SDE2: variants seen among roughly 807,000 people sequenced by gnomAD.
SDE2 encodes spliceosome associated SDE2.
SDE2 carries 31 observed loss-of-function variants against 46.9 expected under a neutral mutation model. That is an observed-to-expected ratio of 0.66 (90% CI 0.50 to 0.89). The LOEUF (loss-of-function observed/expected upper bound fraction) is 0.89, where lower values mean the gene tolerates loss of function less well. Ranked by LOEUF, SDE2 falls within the 40% of genes least tolerant of loss-of-function variation. SDE2 has a pLI of 0.00. For missense variants in SDE2, 542 were observed against 564.4 expected (o/e 0.96, Z 0.40); for synonymous variants, 205 against 204.3 (o/e 1.00, Z -0.03).
intron 1 of SDE2, among the ~76,000 whole-genome samples, chr1:225,997,490 C>CTCAA (rs2102706994): frequency 6.6e-6 from 1 of 152,252 alleles, no homozygotes; most frequent in African/African-American, 2.4e-5. Flanking sequence ...AGTGCAATGG[C>CTCAA]TCAATCTCGG....
At chr1:225,997,082 G>A (rs1446697679) in intron 1 of SDE2, among the ~76,000 whole-genome samples, 1 of 152,200 alleles carries the variant, frequency 6.6e-6, no homozygotes, top group Non-Finnish European at 1.5e-5. Context: ...GCAGACCTTC[G>A]TGGGGGTCGT....
chr1:225,986,325 ACT>A (rs1558082979), intron 6 of SDE2, among the ~76,000 whole-genome samples: 1 of 150,902 alleles, frequency 6.6e-6, no homozygotes, highest in African/African-American at 2.4e-5. Flanking sequence ...ACAGAGTGAG[ACT>A]CTGTCATTAA....
At position 225,984,558 on chromosome 1, in the gene SDE2, C is replaced by G. The variant is rs1015818111; in HGVS notation, c.*744G>C. On this transcript the variant is annotated 3_prime_UTR_variant, in exon 7 of 7. Coordinates refer to ENST00000272091, the MANE Select transcript of SDE2 (RefSeq NM_152608.4). ...AGGCACGGTGGCTCACGCCTGTAAT[C>G]CCAGCACTCTGGGAGGCTGAGGCGG... is the stretch of plus-strand genomic sequence containing the variant. 2.0e-5 allele frequency: 3 copies of G among 152,234 alleles called. No individual in the cohort carries two copies. Among genetic ancestry groups the G allele is most frequent in the Non-Finnish European group, 4.4e-5 (3 of 68,052 alleles). 9.4% of individuals were successfully genotyped at this position (152,234 alleles called of 1,614,324 possible).
At chr1:225,987,796 C>G (rs1305183906) in intron 6 of SDE2, 100 bp downstream of exon 6, 1 of 1,081,410 alleles carries the variant, frequency 9.2e-7, no homozygotes, top group African/African-American at 1.6e-5. Flanking sequence ...ATAAGCCTTT[C>G]ACTAAGCAGC....
rs1011312995 is a variant in SDE2, at chr1:225,991,232, G to A, written c.641+11C>T. On this transcript the variant is annotated intron_variant, in intron 5 of 6. Transcript: ENST00000272091. Reference sequence around the variant, plus strand: ...TCAAAGATCAATTGGGAACGAAAGTGAAACACTTACCAGAAGCATCTCCTC... The same window carrying A: ...TCAAAGATCAATTGGGAACGAAAGTAAAACACTTACCAGAAGCATCTCCTC... The A allele has an allele frequency of 6.2e-7, 1 of 1,611,620 alleles. No individual in the cohort carries two copies. Among genetic ancestry groups the A allele is most frequent in the South Asian group, 1.1e-5 (1 of 90,878 alleles).
In SDE2 at chr1:225,987,894, A is replaced by T. The variant is rs781659210; in HGVS notation, c.1134+2T>A. 6.2e-7 allele frequency: 1 copy of T among 1,609,276 alleles called. No individual in the cohort carries two copies. The highest frequency in any genetic ancestry group is 1.7e-5 in the Admixed American group (1 of 58,936). On this transcript the variant is annotated splice_donor_variant, in intron 6 of 6. Coordinates refer to ENST00000272091, the MANE Select transcript of SDE2 (RefSeq NM_152608.4). LOFTEE classifies it high-confidence loss of function. ...TAGGTATCAACCCCAAAACATACTT[A>T]CTGCGTTTCCTGGCTGGCTTTCCTG... is the stretch of plus-strand genomic sequence containing the variant.
chr1:225,996,658 T>A (rs1443335177), intron 1 of SDE2, among the ~76,000 whole-genome samples: 1 of 152,204 alleles, frequency 6.6e-6, no homozygotes. Context: ...CTGTCAAACT[T>A]ACTGATTCAC....
intron 2 of SDE2, among the ~76,000 whole-genome samples, chr1:225,993,947 T>G (rs1656462754): frequency 2.0e-5 from 3 of 151,982 alleles, no homozygotes; most frequent in Admixed American, 6.6e-5. Context: ...TTTTTTTTTT[T>G]TGTAGAGACC....
chr1:225,997,590 T>G (rs1207301038), intron 1 of SDE2, among the ~76,000 whole-genome samples: 1 of 152,024 alleles, frequency 6.6e-6, no homozygotes, highest in Admixed American at 6.6e-5. Context: ...CCGCCACGCC[T>G]GGCTAATTTT....
chr1:225,996,715 C>T (rs532365598), intron 1 of SDE2, among the ~76,000 whole-genome samples: 6 of 152,280 alleles, frequency 3.9e-5, no homozygotes, highest in South Asian at 2.1e-4. Flanking sequence ...ATCTCACCAA[C>T]CCAAAGAAAG....
intron 6 of SDE2, among the ~76,000 whole-genome samples, chr1:225,987,589 A>G (rs772662298): frequency 1.3e-5 from 2 of 152,166 alleles, no homozygotes; most frequent in Non-Finnish European, 2.9e-5. Context: ...CTAAGAATAA[A>G]CAATACCAAT....
At chr1:225,998,497 G>C (rs1656582882) in intron 1 of SDE2, among the ~76,000 whole-genome samples, 1 of 152,178 alleles carries the variant, frequency 6.6e-6, no homozygotes, top group African/African-American at 2.4e-5. Flanking sequence ...AAATTCTTTT[G>C]ACAACTGAAC....
At position 225,999,291 on chromosome 1, in the gene SDE2, C is replaced by A. The variant is rs776110951; in HGVS notation, c.22G>T (p.Val8Leu). The A allele has an allele frequency of 5.6e-6, 9 of 1,611,786 alleles. No homozygotes were observed. The highest frequency in any genetic ancestry group is 5.0e-5 in the Admixed American group (3 of 59,778). ...CCGAAGCCAGGGCCGCGAATCCACA[C>A]CAGCGCCGCGGCCTCCGCCATGTCA... MAEAAAL[V>L]WIRGPGFGCK... is the part of the protein sequence containing the mutation. The change falls in exon 1 of 7, where the codon GTG (valine) becomes TTG (leucine). Residue 8 changes from valine (V) to leucine (L), a missense_variant. This residue lies in a region of SDE2 where 135 missense variants were observed against 106.5 expected (regional missense o/e 1.27). Coordinates refer to ENST00000272091, the MANE Select transcript of SDE2 (RefSeq NM_152608.4).
intron 6 of SDE2, among the ~76,000 whole-genome samples, chr1:225,986,333 A>T (rs980345431): frequency 6.6e-6 from 1 of 150,776 alleles, no homozygotes; most frequent in East Asian, 1.9e-4. Flanking sequence ...AGACTCTGTC[A>T]TTAAAAAAAA....
At position 225,992,552 on chromosome 1, in the gene SDE2, T is replaced by C. The variant is rs766049996; in HGVS notation, c.366A>G (p.Val122=). The change falls in exon 4 of 7, where the codon GTA becomes GTG. Residue 122 remains valine, a synonymous_variant. Coordinates refer to ENST00000272091, the MANE Select transcript of SDE2 (RefSeq NM_152608.4). ...VNHEKAMAEW[V]KQQAEREAEK... ...CAGCCTCTCGCTCGGCTTGTTGTTTTACCCATTCAGCCATTCTGGGGATGA... is the reference window on the plus strand; with the variant it reads ...CAGCCTCTCGCTCGGCTTGTTGTTTCACCCATTCAGCCATTCTGGGGATGA... 10 of 1,607,760 alleles carry C rather than the reference T, an allele frequency of 6.2e-6. No homozygotes were observed. Among genetic ancestry groups the C allele is most frequent in the Admixed American group, 1.7e-5 (1 of 59,998 alleles).
intron 5 of SDE2, among the ~76,000 whole-genome samples, chr1:225,989,306 A>AT (rs1558083957): frequency 9.4e-5 from 14 of 148,726 alleles, no homozygotes; most frequent in African/African-American, 2.7e-4. Context: ...AAAAAAAAAA[A>AT]AAATAATAAT....
In SDE2 at chr1:225,982,745, C is replaced by A. The variant is rs531411392; in HGVS notation, c.*2557G>T. 58 of 152,018 alleles carry A rather than the reference C, an allele frequency of 3.8e-4. No homozygotes were observed. Among genetic ancestry groups the A allele is most frequent in the African/African-American group, 1.4e-3 (57 of 41,502 alleles). 9.4% of individuals were successfully genotyped at this position (152,018 alleles called of 1,614,324 possible). On this transcript the variant is annotated 3_prime_UTR_variant, in exon 7 of 7. Coordinates refer to ENST00000272091, the MANE Select transcript of SDE2 (RefSeq NM_152608.4). ...AGATTTTATTTTTTCCTCTTAATTT[C>A]TTTAAAATACATATCATTATTTAAA...
At chr1:225,989,918 T>TA (rs1046829001) in intron 5 of SDE2, among the ~76,000 whole-genome samples, 55 of 150,320 alleles carry the variant, frequency 3.7e-4, no homozygotes, top group African/African-American at 1.3e-3. Flanking sequence ...CACAAAAAAA[T>TA]AAAAAAAATC....
chr1:225,988,256 C>T lies in SDE2; in HGVS notation c.774G>A (p.Met258Ile), dbSNP rs745772427. The T allele has an allele frequency of 1.2e-6, 2 of 1,614,094 alleles. No individual in the cohort carries two copies. Among genetic ancestry groups the T allele is most frequent in the South Asian group, 2.2e-5 (2 of 91,090 alleles). ...GAGAACCACTGGGAAATTTGGCTGC[C>T]ATCTCGACACCATTGCTACCAATTT... Reference protein sequence around the residue: ...APKIGSNGVEMAAKFPSGSQR... With the variant: ...APKIGSNGVEIAAKFPSGSQR... The change falls in exon 6 of 7, where the codon ATG (methionine) becomes ATA (isoleucine). Residue 258 changes from methionine (M) to isoleucine (I), a missense_variant. Met to Ile is a conservative substitution (Grantham distance 10, BLOSUM62 1). Around this residue, in one of 3 missense-constraint regions of SDE2, gnomAD observed 401 missense variants for 437.8 expected, o/e 0.92. Coordinates refer to ENST00000272091, the MANE Select transcript of SDE2 (RefSeq NM_152608.4).
Sources: allele counts gnomAD v4.1 joint callset (sites outside exome capture counted in the v4.1 genomes callset), GRCh38; gene constraint gnomAD v4.1.1; regional missense constraint gnomAD v4.1.1; transcripts MANE v1.5; gene names NCBI Gene and HGNC (gene_info 2026-07-23, HGNC 2026-07-21).